Variants in NOS1 observed in about 807,000 individuals in gnomAD.
NOS1 encodes nitric oxide synthase 1.
A neutral mutation model predicts 164.5 loss-of-function variants in NOS1; 51 were observed. The observed-to-expected ratio is 0.31, with a 90% CI of 0.25 to 0.39. The LOEUF is 0.39. Ranked by LOEUF, NOS1 falls within the 10% of genes least tolerant of loss-of-function variation. The pLI, the probability that NOS1 is intolerant of heterozygous loss-of-function variation, is 1.00. For synonymous variants in NOS1, 719 were observed against 745.8 expected, an observed-to-expected ratio of 0.96 and a Z score of 0.59; for missense variants, 1,362 against 1,885.6, an observed-to-expected ratio of 0.72 and a Z score of 5.14.
chr12:117,235,408 T>A (rs568734148), intron 20 of NOS1, among the ~76,000 whole-genome samples: 1 of 152,246 alleles, frequency 6.6e-6, no homozygotes, highest in East Asian at 1.9e-4. Context: ...TCTCAGTGTC[T>A]AGCACTTCAC....
chr12:117,318,281 T>TGGACAC (rs1381744011), intron 2 of NOS1, among the ~76,000 whole-genome samples: 1 of 152,092 alleles, frequency 6.6e-6, no homozygotes, highest in African/African-American at 2.4e-5. Context: ...AGGTGGTCCA[T>TGGACAC]GGACACACTG....
intron 10 of NOS1, among the ~76,000 whole-genome samples, chr12:117,271,422 C>T (rs1383037240): frequency 3.3e-5 from 5 of 152,080 alleles, no homozygotes; most frequent in Admixed American, 2.0e-4. Context: ...GGATTATAGG[C>T]GCAAGCCATC....
At chr12:117,302,462 C>T (rs1440608076) in intron 3 of NOS1, among the ~76,000 whole-genome samples, 2 of 151,842 alleles carry the variant, frequency 1.3e-5, no homozygotes, top group African/African-American at 2.4e-5. Flanking sequence ...GGTGAGGTGG[C>T]GGGCGCCTGT....
intron 16 of NOS1, among the ~76,000 whole-genome samples, chr12:117,256,809 G>A (rs1041501778): frequency 7.9e-5 from 12 of 151,876 alleles, no homozygotes; most frequent in Middle Eastern, 6.8e-3. Context: ...CGGTGGCTCA[G>A]GCCTGTAATC....
chr12:117,242,743 T>C, intron 19 of NOS1, 38 bp from the exon 20 acceptor site: 4 of 1,590,600 alleles, frequency 2.5e-6, no homozygotes, highest in Non-Finnish European at 3.5e-6. Context: ...TGAGAAGGGG[T>C]TGAATGTTCC....
chr12:117,302,206 C>A, intron 3 of NOS1: 1 of 406,872 alleles, frequency 2.5e-6, no homozygotes, highest in South Asian at 1.8e-5. Flanking sequence ...TGGTTGACAT[C>A]ATTATCTCAT....
At chr12:117,279,021 T>A (rs897760965) in intron 8 of NOS1, among the ~76,000 whole-genome samples, 1 of 151,700 alleles carries the variant, frequency 6.6e-6, no homozygotes, top group Non-Finnish European at 1.5e-5. Context: ...ATCCAGTGAA[T>A]CTATTAATTT....
Position 117,212,194 on chromosome 12 carries a change from A to T in NOS1, c.*3115T>A. 1.0e-6 allele frequency: 1 copy of T among 985,384 alleles called. No individual in the cohort carries two copies. The highest frequency in any genetic ancestry group is 1.2e-6 in the Non-Finnish European group (1 of 829,900). 61.0% of individuals were successfully genotyped at this position (985,384 alleles called of 1,614,324 possible). A position where few individuals can be genotyped will look rare whatever the true frequency, so the allele number is the denominator to read the frequency against. On this transcript the variant is annotated 3_prime_UTR_variant, in exon 29 of 29. Transcript: ENST00000317775. ...TAAGTTAAGTGAAAAATTAAAATGC[A>T]GTAAGTTTTGAACCAGGTACTGTAA...
rs1875534588 is a variant in NOS1 at position 117,331,281 on chromosome 12, C to T, written c.-212G>A. Reference sequence around the variant, plus strand: ...CCGTCGGTGGCATGATTTCCTGCATCCGCCTCTCTCCTTATTCTCTAAGGA... The same window carrying T: ...CCGTCGGTGGCATGATTTCCTGCATTCGCCTCTCTCCTTATTCTCTAAGGA... On this transcript the variant is annotated 5_prime_UTR_variant, in exon 2 of 29. Transcript: ENST00000317775. 3.4e-6 allele frequency: 2 copies of T among 583,024 alleles called. No homozygotes were observed. Among genetic ancestry groups the T allele is most frequent in the African/African-American group, 1.9e-5 (1 of 53,794 alleles). 36.1% of individuals were successfully genotyped at this position (583,024 alleles called of 1,614,324 possible). A position where few individuals can be genotyped will look rare whatever the true frequency, so the allele number is the denominator to read the frequency against.
rs750319488 is a variant in NOS1, at chr12:117,265,477, C to T, written c.1975G>A (p.Ala659Thr). ...DKVTIVDHHSATESFIKHMEN... is the reference protein window; with the variant it reads ...DKVTIVDHHSTTESFIKHMEN... ...ATGTGCTTAATGAAGGACTCGGTGG[C>T]GGAGTGATGGTCAACAATGGTCACT... The change falls in exon 12 of 29, where the codon GCC becomes ACC. Residue 659 changes from alanine (A) to threonine (T), a missense_variant. This residue lies in a region of NOS1 where 737 missense variants were observed against 1,030.3 expected (regional missense o/e 0.72). Transcript: ENST00000317775. 1.7e-5 allele frequency: 27 copies of T among 1,569,622 alleles called. No homozygotes were observed. Among genetic ancestry groups the T allele is most frequent in the African/African-American group, 2.7e-5 (2 of 74,276 alleles).
At chr12:117,349,094 A>G (rs1876496557) in intron 1 of NOS1, among the ~76,000 whole-genome samples, 1 of 152,272 alleles carries the variant, frequency 6.6e-6, no homozygotes, top group Non-Finnish European at 1.5e-5. Flanking sequence ...TTTTCAAAAA[A>G]TGAGTATCAG....
chr12:117,304,962 G>A (rs879130292), intron 3 of NOS1: 32 of 962,684 alleles, frequency 3.3e-5, no homozygotes, highest in East Asian at 1.1e-4. Context: ...ACCTGCATTC[G>A]TCCTGCTTCA....
intron 9 of NOS1, 94 bp downstream of exon 9, chr12:117,277,865 G>A: frequency 7.0e-7 from 1 of 1,421,888 alleles, no homozygotes; most frequent in South Asian, 1.4e-5. Flanking sequence ...CTTCGGTCTG[G>A]ACTAGAAAGA....
chr12:117,236,667 G>A (rs549107831), intron 20 of NOS1, among the ~76,000 whole-genome samples: 18 of 152,304 alleles, frequency 1.2e-4, no homozygotes, highest in African/African-American at 4.3e-4. Context: ...GCCAGCAGGG[G>A]GCGCTGTGGG....
intron 10 of NOS1, among the ~76,000 whole-genome samples, chr12:117,269,932 G>A (rs1470286760): frequency 2.0e-5 from 3 of 152,140 alleles, no homozygotes; most frequent in African/African-American, 7.2e-5. Context: ...TCTGACACAT[G>A]GGGAAACTGA....
intron 28 of NOS1, among the ~76,000 whole-genome samples, chr12:117,215,692 CA>C (rs932409268): frequency 2.0e-5 from 3 of 152,048 alleles, no homozygotes; most frequent in Non-Finnish European, 4.4e-5. Context: ...CTCAGCCTCC[CA>C]AAGTGCTGGG....
At chr12:117,343,318 A>T (rs1876203577) in intron 1 of NOS1, among the ~76,000 whole-genome samples, 1 of 152,158 alleles carries the variant, frequency 6.6e-6, no homozygotes. Flanking sequence ...AGAAAGAATA[A>T]GAATGAATGA....
At chr12:117,224,625 TTC>T (rs200162640) in intron 25 of NOS1, among the ~76,000 whole-genome samples, 1 of 152,106 alleles carries the variant, frequency 6.6e-6, no homozygotes, top group East Asian at 1.9e-4. Flanking sequence ...TTGGGTTTCT[TTC>T]TCTCTCTCTC....
chr12:117,355,523 G>GA (rs1001800522), intron 1 of NOS1, among the ~76,000 whole-genome samples: 6 of 151,216 alleles, frequency 4.0e-5, no homozygotes, highest in African/African-American at 7.3e-5. Flanking sequence ...TGACCTAAAG[G>GA]AAAAAAAATA....
Sources: gnomAD v4.1 joint callset for allele counts (sites outside exome capture counted in the v4.1 genomes callset) on GRCh38, gnomAD v4.1.1 for gene constraint, gnomAD v4.1.1 regional missense constraint, MANE v1.5 for transcripts, NCBI Gene and HGNC (gene_info 2026-07-23, HGNC 2026-07-21) for gene names.